Variants in CASP9 observed in about 807,000 individuals in gnomAD.
CASP9 encodes caspase-9.
In CASP9, 29 loss-of-function variants were observed where a neutral mutation model predicts 43.5. The ratio of observed to expected loss-of-function variants is 0.67; its 90% CI spans 0.50 to 0.91. The LOEUF (loss-of-function observed/expected upper bound fraction) is 0.91. Ranked by LOEUF, CASP9 falls within the 40% of genes least tolerant of loss-of-function variation. CASP9 has a pLI of 0.00. For synonymous variants in CASP9, 206 were observed against 211.9 expected (o/e 0.97, Z 0.24); for missense variants, 575 against 537.4 (o/e 1.07, Z -0.69).
intron 4 of CASP9, 146 bp from the exon 5 acceptor site, chr1:15,506,225 G>C: frequency 1.6e-6 from 1 of 608,962 alleles, no homozygotes; most frequent in Non-Finnish European, 3.0e-6. Flanking sequence ...AAGGCAGGTG[G>C]ATCATTTGAG....
At chr1:15,519,674 C>T (rs1208569771) in intron 1 of CASP9, among the ~76,000 whole-genome samples, 2 of 152,088 alleles carry the variant, frequency 1.3e-5, no homozygotes, top group Non-Finnish European at 2.9e-5. Flanking sequence ...AGGACATGGG[C>T]ACTGACTGGG....
intron 2 of CASP9, among the ~76,000 whole-genome samples, chr1:15,517,639 G>A (rs933021778): frequency 6.6e-6 from 1 of 152,150 alleles, no homozygotes; most frequent in African/African-American, 2.4e-5. Flanking sequence ...CAACAAGGAT[G>A]GGTCTAATGA....
At chr1:15,524,304 C>A, upstream of CASP9, 1 of 1,459,156 alleles carries the variant, frequency 6.9e-7, no homozygotes, top group Non-Finnish European at 9.0e-7. Flanking sequence ...CCTGCCCCCG[C>A]GTCACGGCCC....
chr1:15,519,149 A>C (rs1710080510), intron 1 of CASP9, among the ~76,000 whole-genome samples: 1 of 151,616 alleles, frequency 6.6e-6, no homozygotes, highest in South Asian at 2.1e-4. Flanking sequence ...TGCTGGGATT[A>C]TAGGCATGAG....
Position 15,496,706 on chromosome 1 carries a change from C to G in CASP9, c.869-1254G>C, listed in dbSNP as rs117748887. ...AAATTAACTTAACCAAGATGAAAGA[C>G]TTGTAAAATGAAAACTACAAAACAT... On this transcript the variant is annotated intron_variant, in intron 6 of 8. Transcript: ENST00000333868. Among the ~76,000 whole-genome samples the G allele has an allele frequency of 8.7e-4, 132 of 152,256 alleles. 2 individuals are homozygous for G. The East Asian group carries it at 0.022, about 26-fold the overall frequency.
At chr1:15,501,874 C>T (rs1415111755) in intron 6 of CASP9, among the ~76,000 whole-genome samples, 1 of 152,006 alleles carries the variant, frequency 6.6e-6, no homozygotes, top group Non-Finnish European at 1.5e-5. Flanking sequence ...AGGGCTCAAG[C>T]GATCTTCCTG....
intron 2 of CASP9, 127 bp from the exon 3 acceptor site, chr1:15,508,034 G>GCTCTCCCACCAGCA: frequency 2.3e-6 from 2 of 875,196 alleles, no homozygotes; most frequent in Non-Finnish European, 3.7e-6. Flanking sequence ...TCTGCTGGTG[G>GCTCTCCCACCAGCA]GAGAGCCACC....
chr1:15,497,124 A>C (rs1468771269), intron 6 of CASP9, among the ~76,000 whole-genome samples: 3 of 151,868 alleles, frequency 2.0e-5, no homozygotes, highest in Non-Finnish European at 4.4e-5. Flanking sequence ...AGCCTGGCCA[A>C]CATGGTAAAA....
rs1209134730 is a variant in CASP9 at position 15,504,630 on chromosome 1, G to A, written c.849C>T (p.Phe283=). 1.9e-6 allele frequency: 3 copies of A among 1,613,756 alleles called. No homozygotes were observed. The highest frequency in any genetic ancestry group is 1.3e-5 in the African/African-American group (1 of 75,036). ...GCTTACCCCCACCACAGGCCTGGATGAAAAAGAGCTTGGGCTTCCCTCCCA... is the reference window on the plus strand; with the variant it reads ...GCTTACCCCCACCACAGGCCTGGATAAAAAAGAGCTTGGGCTTCCCTCCCA... The part of the protein sequence containing the change: ...PSLGGKPKLF[F]IQACGGEQKD... Residue 283 remains phenylalanine (F), a synonymous_variant, in exon 6 of 9, where the codon TTC becomes TTT. Coordinates refer to ENST00000333868, the MANE Select transcript of CASP9 (RefSeq NM_001229.5).
At chr1:15,509,492 A>G (rs893518530) in intron 2 of CASP9, among the ~76,000 whole-genome samples, 4 of 150,622 alleles carry the variant, frequency 2.7e-5, no homozygotes. Context: ...AAAATTAGCC[A>G]GGCGAGGGGG....
At chr1:15,513,308 C>T (rs1709834637) in intron 2 of CASP9, among the ~76,000 whole-genome samples, 1 of 151,960 alleles carries the variant, frequency 6.6e-6, no homozygotes, top group Admixed American at 6.6e-5. Context: ...CTGTTTTATA[C>T]ACATACACAC....
At chr1:15,494,360 T>C (rs965492075) in intron 7 of CASP9, among the ~76,000 whole-genome samples, 1 of 151,918 alleles carries the variant, frequency 6.6e-6, no homozygotes, top group African/African-American at 2.4e-5. Context: ...AGGTCAGGAA[T>C]TCTTGACCAG....
intron 1 of CASP9, among the ~76,000 whole-genome samples, chr1:15,519,254 A>T (rs1409053046): frequency 6.6e-6 from 1 of 152,032 alleles, no homozygotes; most frequent in East Asian, 1.9e-4. Flanking sequence ...ATCTCAGCTC[A>T]CTGCAACCTC....
At chr1:15,514,100 C>A (rs1230936182) in intron 2 of CASP9, among the ~76,000 whole-genome samples, 5 of 152,180 alleles carry the variant, frequency 3.3e-5, no homozygotes, top group African/African-American at 1.2e-4. Context: ...ACCACACTAA[C>A]CCTTTGGGCC....
chr1:15,499,313 G>A lies in CASP9; in HGVS notation c.869-3861C>T, dbSNP rs78047361. Among the ~76,000 whole-genome samples, 124 of 152,228 alleles carry A rather than the reference G, an allele frequency of 8.1e-4. 4 individuals are homozygous for A. The East Asian group carries it at 0.022, about 27-fold the overall frequency. On this transcript the variant is annotated intron_variant, in intron 6 of 8. Coordinates refer to ENST00000333868, the MANE Select transcript of CASP9 (RefSeq NM_001229.5). ...TATACCTTAAATTTTTAATTCACTT[G>A]TACATTAGAGAACTGTAGAAAGCTG... is the stretch of plus-strand genomic sequence containing the variant.
At position 15,519,819 on chromosome 1, in the gene CASP9, C is replaced by T. The variant is rs143315624; in HGVS notation, c.133-1424G>A. On this transcript the variant is annotated intron_variant, in intron 1 of 8. Transcript: ENST00000333868. ...CCCAGTTCGAGACCAGCCTGGACAA[C>T]ACAGTGAGACCCTGTCTCTACAAAA... is the stretch of plus-strand genomic sequence containing the variant. The T allele has an allele frequency of 4.8e-3, 725 of 152,394 alleles. 4 individuals carry two copies. Among genetic ancestry groups the T allele is most frequent in the African/African-American group, 0.016 (678 of 41,464 alleles). 9.4% of individuals were successfully genotyped at this position (152,394 alleles called of 1,614,324 possible).
At chr1:15,521,511 G>A (rs1710199919) in intron 1 of CASP9, among the ~76,000 whole-genome samples, 1 of 152,216 alleles carries the variant, frequency 6.6e-6, no homozygotes, top group African/African-American at 2.4e-5. Context: ...AATAGTGAAA[G>A]TCTTAAAGTC....
At chr1:15,494,463 G>A (rs927439299) in intron 7 of CASP9, among the ~76,000 whole-genome samples, 9 of 151,848 alleles carry the variant, frequency 5.9e-5, no homozygotes, top group African/African-American at 2.2e-4. Context: ...TACTTAGGAG[G>A]CTAAGGCAGG....
At chr1:15,520,008 C>G (rs935378141) in intron 1 of CASP9, 1 of 147,372 alleles carries the variant, frequency 6.8e-6, no homozygotes, top group African/African-American at 2.5e-5. Flanking sequence ...GACCCTGTCT[C>G]AAAAAAAAAA....
Sources: allele counts gnomAD v4.1 joint callset (sites outside exome capture counted in the v4.1 genomes callset), GRCh38; gene constraint gnomAD v4.1.1; transcripts MANE v1.5; gene names NCBI Gene and HGNC (gene_info 2026-07-23, HGNC 2026-07-21).